The following KALRN variants were observed in gnomAD, a reference collection of about 807,000 sequenced individuals.
KALRN encodes the protein kalirin RhoGEF kinase.
KALRN carries 70 observed loss-of-function variants against 353.7 expected under a neutral mutation model. The ratio of observed to expected loss-of-function variants is 0.20; its 90% CI spans 0.16 to 0.24. The LOEUF (loss-of-function observed/expected upper bound fraction) is 0.24. Ranked by LOEUF, KALRN falls within the 10% of genes least tolerant of loss-of-function variation. KALRN has a pLI of 1.00. For synonymous variants in KALRN, 1,391 were observed against 1,434.8 expected, an observed-to-expected ratio of 0.97 and a Z score of 0.69; for missense variants, 2,791 against 3,756.7, an observed-to-expected ratio of 0.74 and a Z score of 6.72.
chr3:124,251,691 G>T (rs972490822), intron 3 of KALRN, among the ~76,000 whole-genome samples: 1 of 152,130 alleles, frequency 6.6e-6, no homozygotes, highest in African/African-American at 2.4e-5. Flanking sequence ...GACTTGATTT[G>T]TAGAATATTT....
intron 5 of KALRN, among the ~76,000 whole-genome samples, chr3:124,283,030 G>A (rs2075503272): frequency 6.6e-6 from 1 of 152,216 alleles, no homozygotes; most frequent in Non-Finnish European, 1.5e-5. Flanking sequence ...CAAGAGAAGG[G>A]CTCCCACAGG....
At chr3:124,482,783 T>C (rs376157671) in intron 27 of KALRN, 25 bp from the exon 28 acceptor site, 110 of 1,509,168 alleles carry the variant, frequency 7.3e-5, no homozygotes, top group Non-Finnish European at 1.0e-4. Flanking sequence ...CTGTGTCTAA[T>C]TGCACATTGT....
intron 5 of KALRN, among the ~76,000 whole-genome samples, chr3:124,282,845 T>A (rs1268021140): frequency 6.6e-6 from 1 of 152,168 alleles, no homozygotes. Context: ...AGCTTCTCCT[T>A]GTGGATGTGC....
At chr3:124,707,416 TCC>T (rs2062679825) in intron 57 of KALRN, among the ~76,000 whole-genome samples, 1 of 149,950 alleles carries the variant, frequency 6.7e-6, no homozygotes, top group African/African-American at 2.5e-5. Context: ...CTTCCTTCCT[TCC>T]TTCCTTCCTT....
At chr3:124,085,372 G>C (rs2060757896) in intron 1 of KALRN, among the ~76,000 whole-genome samples, 1 of 152,190 alleles carries the variant, frequency 6.6e-6, no homozygotes, top group South Asian at 2.1e-4. Flanking sequence ...AGGTGTCTAA[G>C]TGGCTGACAA....
intron 7 of KALRN, among the ~76,000 whole-genome samples, chr3:124,328,023 C>A (rs551234483): frequency 6.6e-6 from 1 of 152,330 alleles, no homozygotes; most frequent in South Asian, 2.1e-4. Flanking sequence ...TGTAAGGTGC[C>A]TCGTGTGCTT....
rs200446664 is a variant in KALRN at position 124,251,379 on chromosome 3, C to CTTT, written c.264-13112_264-13110dup. 1.6e-3 allele frequency among the ~76,000 whole-genome samples: 189 copies of CTTT among 120,554 alleles called. 3 individuals are homozygous for CTTT. Among genetic ancestry groups the CTTT allele is most frequent in the Admixed American group, 4.1e-3 (50 of 12,090 alleles). The allele number at this position is 120,554 out of a possible 152,430, so 79.1% of individuals were successfully genotyped here. ...GCTTTTTTTTTTTTTTTCTTTTTTT[C>CTTT]TTTTTTTTTGAGACAGGGTCTGGCT... On this transcript the variant is annotated intron_variant, in intron 3 of 59. Coordinates refer to ENST00000682506, the MANE Select transcript of KALRN (RefSeq NM_001388419.1).
chr3:124,147,826 A>G (rs1017424598), intron 1 of KALRN, among the ~76,000 whole-genome samples: 7 of 152,228 alleles, frequency 4.6e-5, no homozygotes, highest in Admixed American at 3.3e-4. Context: ...AGCTTTTTGC[A>G]TATAGATGCT....
intron 2 of KALRN, among the ~76,000 whole-genome samples, chr3:124,231,462 T>C (rs2079140274): frequency 6.6e-6 from 1 of 152,202 alleles, no homozygotes; most frequent in South Asian, 2.1e-4. Context: ...TTTTCCTTAT[T>C]GGTTTCCACC....
At position 124,234,538 on chromosome 3, in the gene KALRN, G is replaced by A. The variant is rs536438414; in HGVS notation, c.149-291G>A. 3.3e-5 allele frequency among the ~76,000 whole-genome samples: 5 copies of A among 152,206 alleles called. No homozygotes were observed. The South Asian group carries it at 8.3e-4, about 25-fold the overall frequency. On this transcript the variant is annotated intron_variant, in intron 2 of 59. Transcript: ENST00000682506. Reference sequence around the variant, plus strand: ...TTTGTAGAGAGCTTTACTTTTCCAAGTGCATCCCCATGTGCCAACTCATCA... The same window carrying A: ...TTTGTAGAGAGCTTTACTTTTCCAAATGCATCCCCATGTGCCAACTCATCA...
At chr3:124,310,239 A>G (rs34251299) in intron 6 of KALRN, among the ~76,000 whole-genome samples, 39,378 of 151,954 alleles carry the variant, frequency 0.26, 6,741 homozygotes, top group Non-Finnish European at 0.38. Context: ...TCTGAAAACT[A>G]TAAAGCATTG....
At chr3:124,504,886 T>A in intron 33 of KALRN, 1 of 499,756 alleles carries the variant, frequency 2.0e-6, no homozygotes. Flanking sequence ...AGAAAGCAAA[T>A]CTGAGAGCAA....
Position 124,664,373 on chromosome 3 carries a change from G to GCGCGCA in KALRN, c.6346-2071_6346-2070insACGCGC, listed in dbSNP as rs1553719866. On this transcript the variant is annotated intron_variant, in intron 45 of 59. Coordinates refer to ENST00000682506, the MANE Select transcript of KALRN (RefSeq NM_001388419.1). Reference sequence around the variant, plus strand: ...TGTGTGTGTGTGTGTGTGTGTGTGCGCGCGCGCGCATATAAGGGCACCCAC... The same window carrying GCGCGCA: ...TGTGTGTGTGTGTGTGTGTGTGTGCGCGCGCACGCGCGCGCATATAAGGGCACCCAC... Among the ~76,000 whole-genome samples, 39 of 125,668 alleles carry GCGCGCA rather than the reference G, an allele frequency of 3.1e-4. 2 individuals carry two copies. The East Asian group carries it at 0.012, about 37-fold the overall frequency. The allele number at this position is 125,668 out of a possible 152,430, so 82.4% of individuals were successfully genotyped here. A position where few individuals can be genotyped will look rare whatever the true frequency, so the allele number is the denominator to read the frequency against.
At chr3:124,296,929 G>A (rs1560492886) in intron 5 of KALRN, among the ~76,000 whole-genome samples, 1 of 152,308 alleles carries the variant, frequency 6.6e-6, no homozygotes, top group East Asian at 1.9e-4. Context: ...AGGTGAGGTG[G>A]CCTCTTCTGT....
At chr3:124,709,267 A>T (rs112926671) in intron 57 of KALRN, among the ~76,000 whole-genome samples, 1 of 152,116 alleles carries the variant, frequency 6.6e-6, no homozygotes, top group African/African-American at 2.4e-5. Flanking sequence ...AACCTTTTTT[A>T]AAATTTTATT....
intron 1 of KALRN, among the ~76,000 whole-genome samples, chr3:124,202,849 G>A (rs1000920097): frequency 2.6e-5 from 4 of 152,086 alleles, no homozygotes; most frequent in Non-Finnish European, 5.9e-5. Flanking sequence ...AGAGTCTCTG[G>A]AGCTCTCAAT....
chr3:124,233,869 T>A (rs932253867), intron 2 of KALRN, among the ~76,000 whole-genome samples: 2 of 152,256 alleles, frequency 1.3e-5, no homozygotes, highest in African/African-American at 4.8e-5. Flanking sequence ...AGTGGTTTTC[T>A]TTGTGTAATG....
intron 10 of KALRN, among the ~76,000 whole-genome samples, chr3:124,354,801 AG>A (rs564650785): frequency 3.0e-4 from 45 of 152,326 alleles, no homozygotes; most frequent in Middle Eastern, 3.4e-3. Flanking sequence ...CTTTGTTGAA[AG>A]GACTTGTTCT....
At chr3:124,546,332 A>G (rs1277796908) in intron 33 of KALRN, among the ~76,000 whole-genome samples, 2 of 150,736 alleles carry the variant, frequency 1.3e-5, no homozygotes, top group African/African-American at 4.9e-5. Context: ...GTATAGTGGC[A>G]TGTACCTTGT....
Sources: gnomAD v4.1 joint callset for allele counts (sites outside exome capture counted in the v4.1 genomes callset) on GRCh38, gnomAD v4.1.1 for gene constraint, MANE v1.5 for transcripts, NCBI Gene and HGNC (gene_info 2026-07-23, HGNC 2026-07-21) for gene names.